PSMB10: variants seen among roughly 807,000 people sequenced by gnomAD.
PSMB10 encodes the protein proteasome 20S subunit beta 10.
Under a neutral mutation model 29.8 loss-of-function variants are expected in PSMB10, and 29 were observed. The ratio of observed to expected loss-of-function variants is 0.97; its 90% CI spans 0.73 to 1.33. The LOEUF is 1.33. PSMB10 is among the 40% of genes most tolerant of loss of function. The pLI is 0.00. For missense variants in PSMB10, 327 were observed against 369.2 expected, an observed-to-expected ratio of 0.89 and a Z score of 0.94; for synonymous variants, 157 against 164.7, an observed-to-expected ratio of 0.95 and a Z score of 0.36.
intron 6 of PSMB10, 143 bp from the exon 7 acceptor site, chr16:67,935,091 C>T (rs2058257716): frequency 9.0e-7 from 1 of 1,114,706 alleles, no homozygotes; most frequent in East Asian, 2.5e-5. Context: ...CCTTAGCCAC[C>T]TCTGAGGCAA....
At chr16:67,935,876 G>A in intron 4 of PSMB10, 87 bp downstream of exon 4, 4 of 1,540,906 alleles carry the variant, frequency 2.6e-6, no homozygotes, top group Non-Finnish European at 3.5e-6. Context: ...GGCCCGTCGC[G>A]GTCCCGCCCT....
chr16:67,934,755 T>A lies in PSMB10; in HGVS notation c.710+42A>T. On this transcript the variant is annotated intron_variant, in intron 7 of 7. Transcript: ENST00000358514. This position sits in a 1 kb window ranked among gnomAD's most constrained non-coding sequence, Gnocchi z 4.3. ...TTGCAGCCCCCTATCTCCCCTGCTA[T>A]AGCCCCACACATCCCTGTGGTCCCC... The A allele has an allele frequency of 6.2e-7, 1 of 1,610,720 alleles. No individual in the cohort carries two copies. Among genetic ancestry groups the A allele is most frequent in the South Asian group, 1.1e-5 (1 of 91,048 alleles).
Position 67,934,924 on chromosome 16 carries a change from C to G in PSMB10, c.583G>C (p.Val195Leu). The G allele has an allele frequency of 3.1e-6, 5 of 1,612,556 alleles. No homozygotes were observed. Among genetic ancestry groups the G allele is most frequent in the Non-Finnish European group, 4.2e-6 (5 of 1,179,990 alleles). The change falls in exon 7 of 8, where the codon GTG becomes CTG. Residue 195 changes from valine to leucine, a missense_variant. By Grantham distance (32) the Val-to-Leu change is conservative. Coordinates refer to ENST00000358514, the MANE Select transcript of PSMB10 (RefSeq NM_002801.4). This position sits in a 1 kb window ranked among gnomAD's most constrained non-coding sequence, Gnocchi z 4.3. ...MTLEAAQGLL[V>L]EAVTAGILGD... ...AAGATCCCGGCGGTGACGGCTTCCACCAGCAGCCCCTGAGCAGCCTCCAGC... is the reference window on the plus strand; with the variant it reads ...AAGATCCCGGCGGTGACGGCTTCCAGCAGCAGCCCCTGAGCAGCCTCCAGC...
At chr16:67,935,187 C>G in intron 6 of PSMB10, 1 of 699,424 alleles carries the variant, frequency 1.4e-6, no homozygotes. Flanking sequence ...TCTCTCCGCC[C>G]TCGGCTCCTA....
chr16:67,936,054 C>A lies in PSMB10; in HGVS notation c.292G>T (p.Val98Leu). The stretch of plus-strand genomic sequence containing the variant: ...GCGTGTAGCTCCATCTTGGACGCCA[C>A]CATCCGTGTGGTCATCTCGGCGTCC... ...AADAEMTTRMVASKMELHALS... is the reference protein window; with the variant it reads ...AADAEMTTRMLASKMELHALS... The change falls in exon 4 of 8, where the codon GTG (valine) becomes TTG (leucine). Residue 98 changes from valine to leucine, a missense_variant. Val to Leu is a conservative substitution (Grantham distance 32, BLOSUM62 1). Coordinates refer to ENST00000358514, the MANE Select transcript of PSMB10 (RefSeq NM_002801.4). The A allele has an allele frequency of 6.2e-7, 1 of 1,613,000 alleles. No homozygotes were observed. Among genetic ancestry groups the A allele is most frequent in the Non-Finnish European group, 8.5e-7 (1 of 1,179,392 alleles).
rs2058263949 is a variant in PSMB10, at chr16:67,936,332, G to A, written c.145-20C>T. ...CCCGTCCTGAGGAGAGGGAGGGACC[G>A]CAGCTTCAGTGCCTGCTCGATACTC... On this transcript the variant is annotated intron_variant, in intron 2 of 7. Transcript: ENST00000358514. 1.9e-6 allele frequency: 3 copies of A among 1,611,258 alleles called. No individual in the cohort carries two copies. The highest frequency in any genetic ancestry group is 1.3e-5 in the African/African-American group (1 of 74,814).
intron 4 of PSMB10, 71 bp from the exon 5 acceptor site, chr16:67,935,768 G>A (rs1243229345): frequency 1.3e-6 from 2 of 1,538,616 alleles, no homozygotes; most frequent in South Asian, 2.3e-5. Context: ...CAGCTCCTAG[G>A]TGCTATCCCC....
Position 67,936,739 on chromosome 16 carries a change from G to C in PSMB10, c.11C>G (p.Pro4Arg), listed in dbSNP as rs766274515. The C allele has an allele frequency of 1.3e-6, 2 of 1,557,294 alleles. No homozygotes were observed. The highest frequency in any genetic ancestry group is 1.9e-5 in the Admixed American group (1 of 51,774). ...GAAGCCCCCTCGGGGCTCCAGGGCT[G>C]GCTTCAGCATCTTGGGGCAGGCAGA... MLKPALEPRGGFSF... is the reference protein window; with the variant it reads MLKRALEPRGGFSF... Residue 4 changes from proline to arginine, a missense_variant, in exon 1 of 8, where the codon CCA (proline) becomes CGA (arginine). Physicochemically the swap from Pro to Arg is moderately radical, Grantham distance 103. Coordinates refer to ENST00000358514, the MANE Select transcript of PSMB10 (RefSeq NM_002801.4).
Position 67,935,962 on chromosome 16 carries a change from C to G in PSMB10, c.383+1G>C, listed in dbSNP as rs570917522. The G allele has an allele frequency of 6.2e-7, 1 of 1,609,026 alleles. No homozygotes were observed. The highest frequency in any genetic ancestry group is 1.1e-5 in the South Asian group (1 of 90,918). On this transcript the variant is annotated splice_donor_variant, in intron 4 of 7. Coordinates refer to ENST00000358514, the MANE Select transcript of PSMB10 (RefSeq NM_002801.4). LOFTEE classifies it high-confidence loss of function. ...GGGTCCTGTTAGCCCTGCCCCCGCA[C>G]CTGAAGAGCGTCTGGCGCAGGATGC... is the stretch of plus-strand genomic sequence containing the variant.
Position 67,934,584 on chromosome 16 carries a change from A to T in PSMB10, c.798T>A (p.Thr266=), listed in dbSNP as rs2058255314. Residue 266 remains threonine (T), a synonymous_variant, in exon 8 of 8, where the codon ACT becomes ACA. Transcript: ENST00000358514. This position sits in a 1 kb window ranked among gnomAD's most constrained non-coding sequence, Gnocchi z 4.3. ...CTTACTCCACCTCCATAGCCTGCAC[A>T]GTTTCCTCCACTAGCTCCAGGGTTA... The part of the protein sequence containing the change: ...KPLTLELVEE[T]VQAMEVE 6.2e-7 allele frequency: 1 copy of T among 1,614,130 alleles called. No individual in the cohort carries two copies. Among genetic ancestry groups the T allele is most frequent in the Non-Finnish European group, 8.5e-7 (1 of 1,179,994 alleles).
In PSMB10 at chr16:67,934,976, C is replaced by T. The variant is rs1763170007; in HGVS notation, c.559-28G>A. 4 of 1,602,444 alleles carry T rather than the reference C, an allele frequency of 2.5e-6. No individual in the cohort carries two copies. Among genetic ancestry groups the T allele is most frequent in the East Asian group, 2.2e-5 (1 of 44,850 alleles). On this transcript the variant is annotated intron_variant, in intron 6 of 7. Coordinates refer to ENST00000358514, the MANE Select transcript of PSMB10 (RefSeq NM_002801.4). This position sits in a 1 kb window ranked among gnomAD's most constrained non-coding sequence, Gnocchi z 4.3. ...GCGGTGATGGGTGTGTGAGACCTAA[C>T]GGGCTCTCTCTGCTGTTAACTTAGG...
At position 67,936,725 on chromosome 16, in the gene PSMB10, G is replaced by C. The variant is rs2058265986; in HGVS notation, c.25C>G (p.Arg9Gly). Residue 9 changes from arginine (R) to glycine (G), a missense_variant, in exon 1 of 8, where the codon CGA becomes GGA. Coordinates refer to ENST00000358514, the MANE Select transcript of PSMB10 (RefSeq NM_002801.4). MLKPALEP[R>G]GGFSFENCQR... is the part of the protein sequence containing the mutation. ...CAGTTCTCGAAGGAGAAGCCCCCTC[G>C]GGGCTCCAGGGCTGGCTTCAGCATC... 1.3e-6 allele frequency: 2 copies of C among 1,556,538 alleles called. No homozygotes were observed. Among genetic ancestry groups the C allele is most frequent in the African/African-American group, 2.7e-5 (2 of 73,246 alleles).
rs1334757845 is a variant in PSMB10 at position 67,935,480 on chromosome 16, T to C, written c.500-2A>G. ...CCAGGGCCGCGTCCTGACCAGAGCC[T>C]GAAGGCAGGAGAAGCATCTGAAGTC... is the stretch of plus-strand genomic sequence containing the variant. On this transcript the variant is annotated splice_acceptor_variant, in intron 5 of 7. Coordinates refer to ENST00000358514, the MANE Select transcript of PSMB10 (RefSeq NM_002801.4). LOFTEE classifies it high-confidence loss of function. 2.5e-6 allele frequency: 4 copies of C among 1,613,884 alleles called. No homozygotes were observed. The highest frequency in any genetic ancestry group is 3.4e-6 in the Non-Finnish European group (4 of 1,179,884).
chr16:67,934,890 A>G lies in PSMB10; in HGVS notation c.617T>C (p.Leu206Pro), dbSNP rs2058256861. Residue 206 changes from leucine to proline, a missense_variant, in exon 7 of 8, where the codon CTG becomes CCG. Transcript: ENST00000358514. The surrounding 1 kb of genome is among the most constrained non-coding windows in gnomAD (Gnocchi z 4.3). ...EAVTAGILGDLGSGGNVDACV... is the reference protein window; with the variant it reads ...EAVTAGILGDPGSGGNVDACV... ...TGCGTCCACATTGCCCCCGGAGCCCAGGTCACCCAAGATCCCGGCGGTGAC... is the reference window on the plus strand; with the variant it reads ...TGCGTCCACATTGCCCCCGGAGCCCGGGTCACCCAAGATCCCGGCGGTGAC... The G allele has an allele frequency of 1.2e-6, 2 of 1,613,710 alleles. No individual in the cohort carries two copies. Among genetic ancestry groups the G allele is most frequent in the African/African-American group, 1.3e-5 (1 of 74,936 alleles).
Position 67,934,721 on chromosome 16 carries a change from A to G in PSMB10, c.711-50T>C. On this transcript the variant is annotated intron_variant, in intron 7 of 7. Coordinates refer to ENST00000358514, the MANE Select transcript of PSMB10 (RefSeq NM_002801.4). This position sits in a 1 kb window ranked among gnomAD's most constrained non-coding sequence, Gnocchi z 4.3. Reference sequence around the variant, plus strand: ...TGAACATGGGCCTGTCATGTGGCCCATCCCCTTTTTGCAGCCCCCTATCTC... The same window carrying G: ...TGAACATGGGCCTGTCATGTGGCCCGTCCCCTTTTTGCAGCCCCCTATCTC... 1.2e-6 allele frequency: 2 copies of G among 1,610,998 alleles called. No homozygotes were observed. Among genetic ancestry groups the G allele is most frequent in the Non-Finnish European group, 1.7e-6 (2 of 1,177,412 alleles).
At chr16:67,935,830 C>T (rs2058260996) in intron 4 of PSMB10, 133 bp from the exon 5 acceptor site, 1 of 1,477,752 alleles carries the variant, frequency 6.8e-7, no homozygotes, top group Non-Finnish European at 9.1e-7. Flanking sequence ...TTTCCTGTAG[C>T]CCAGGTTCTC....
chr16:67,936,809 G>A lies in PSMB10; in HGVS notation c.-60C>T, dbSNP rs985870698. The A allele has an allele frequency of 7.3e-5, 105 of 1,434,444 alleles. No individual in the cohort carries two copies. Among genetic ancestry groups the A allele is most frequent in the Non-Finnish European group, 9.4e-5 (99 of 1,048,270 alleles). 88.9% of individuals were successfully genotyped at this position (1,434,444 alleles called of 1,614,324 possible). On this transcript the variant is annotated 5_prime_UTR_variant, in exon 1 of 8. Transcript: ENST00000358514. ...CGGATGAGTCGGCCAGACAAGCGGG[G>A]CCAGTGAGCAGCTAAAAAGTCCTCT...
intron 1 of PSMB10, 103 bp downstream of exon 1, chr16:67,936,591 C>A: frequency 6.9e-7 from 1 of 1,450,798 alleles, no homozygotes; most frequent in Non-Finnish European, 9.3e-7. Flanking sequence ...AAGCCTGGAA[C>A]CCAAGTCGAC....
intron 1 of PSMB10, 26 bp from the exon 2 acceptor site, chr16:67,936,511 T>C (rs757949384): frequency 2.3e-5 from 36 of 1,596,720 alleles, no homozygotes; most frequent in Non-Finnish European, 4.3e-6. Flanking sequence ...GGCGCCCATG[T>C]TTCGGCTCTG....
Sources: gnomAD v4.1 joint callset for allele counts on GRCh38, gnomAD v4.1.1 for gene constraint, Gnocchi (gnomAD v3.1) non-coding constraint, MANE v1.5 for transcripts, NCBI Gene and HGNC (gene_info 2026-07-23, HGNC 2026-07-21) for gene names.